Variants in SLC22A24 observed in about 807,000 individuals in gnomAD.
SLC22A24 encodes solute carrier family 22 member 24, also known as steroid transmembrane transporter SLC22A24.
In SLC22A24, 53 loss-of-function variants were observed where a neutral mutation model predicts 49.8. The observed-to-expected ratio is 1.06, with a 90% CI of 0.85 to 1.34. SLC22A24 has a LOEUF of 1.34. SLC22A24 is among the 40% of genes most tolerant of loss of function. SLC22A24 has a pLI of 0.00. For missense variants in SLC22A24, 786 were observed against 675.9 expected (o/e 1.16, Z -1.81); for synonymous variants, 302 against 256.4 (o/e 1.18, Z -1.70).
chr11:63,130,410 T>TAACCAA (rs2087325373), intron 2 of SLC22A24, among the ~76,000 whole-genome samples: 2 of 152,230 alleles, frequency 1.3e-5, no homozygotes, highest in Admixed American at 1.3e-4. Flanking sequence ...ACATCAATGT[T>TAACCAA]CATCAGGGAT....
chr11:63,105,664 T>C (rs7105893), intron 4 of SLC22A24, among the ~76,000 whole-genome samples: 150,410 of 152,192 alleles, frequency 0.99, 74,348 homozygotes, highest in East Asian at 1. Flanking sequence ...GGTCCCTTGG[T>C]TTAGCCCAGT....
At chr11:63,082,117 C>A (rs926125523) in intron 7 of SLC22A24, among the ~76,000 whole-genome samples, 2 of 152,010 alleles carry the variant, frequency 1.3e-5, no homozygotes, top group African/African-American at 4.8e-5. Context: ...AGTTTGTGAG[C>A]CATGTCTTGA....
chr11:63,112,904 A>T (rs1181340735), intron 4 of SLC22A24, among the ~76,000 whole-genome samples: 1 of 148,658 alleles, frequency 6.7e-6, no homozygotes, highest in South Asian at 2.1e-4. Context: ...AGTCCCAGCT[A>T]CTCAGGAGGC....
At chr11:63,135,252 A>G (rs1305327399) in intron 1 of SLC22A24, among the ~76,000 whole-genome samples, 5 of 152,196 alleles carry the variant, frequency 3.3e-5, no homozygotes, top group African/African-American at 7.2e-5. Context: ...TAATTCAACT[A>G]CTACAGTAAG....
chr11:63,142,863 C>T (rs985718060), intron 1 of SLC22A24, among the ~76,000 whole-genome samples: 3 of 152,080 alleles, frequency 2.0e-5, no homozygotes, highest in Admixed American at 6.6e-5. Flanking sequence ...CTCTGCTCCC[C>T]GAATGCTCAG....
At chr11:63,113,055 C>T (rs1384984027) in intron 4 of SLC22A24, among the ~76,000 whole-genome samples, 34 of 2,998 alleles carry the variant, frequency 0.011, 15 homozygotes, top group African/African-American at 0.014. Context: ...TATATATATA[C>T]ATATATATAT....
chr11:63,105,263 G>C (rs764245905), intron 4 of SLC22A24, among the ~76,000 whole-genome samples: 3 of 152,074 alleles, frequency 2.0e-5, no homozygotes, highest in African/African-American at 4.8e-5. Context: ...GCAAGCTGTT[G>C]GTGGATCTAC....
In SLC22A24 at chr11:63,081,549, C is replaced by G. The variant is rs911386386; in HGVS notation, c.1394+9G>C. 1 of 1,540,422 alleles carries G rather than the reference C, an allele frequency of 6.5e-7. No homozygotes were observed. Among genetic ancestry groups the G allele is most frequent in the Non-Finnish European group, 8.8e-7 (1 of 1,136,772 alleles). Reference sequence around the variant, plus strand: ...TGTTTTGAAACCAGATGGTCTTTAGCTCTTGTACCTCAATATGGTGGGGAC... The same window carrying G: ...TGTTTTGAAACCAGATGGTCTTTAGGTCTTGTACCTCAATATGGTGGGGAC... On this transcript the variant is annotated intron_variant, in intron 8 of 9. Coordinates refer to ENST00000612278, the MANE Select transcript of SLC22A24 (RefSeq NM_001136506.2).
intron 2 of SLC22A24, 107 bp from the exon 3 acceptor site, chr11:63,119,442 G>T: frequency 1.8e-6 from 2 of 1,099,664 alleles, no homozygotes; most frequent in Non-Finnish European, 2.6e-6. Flanking sequence ...TTAACAAGTG[G>T]AACATGGTGC....
chr11:63,091,693 GA>G (rs754636124), intron 6 of SLC22A24, among the ~76,000 whole-genome samples: 1 of 152,116 alleles, frequency 6.6e-6, no homozygotes, highest in Non-Finnish European at 1.5e-5. Flanking sequence ...AAAGGCCTTT[GA>G]TAAAATTCAA....
intron 2 of SLC22A24, among the ~76,000 whole-genome samples, chr11:63,123,925 AG>A (rs2087270103): frequency 1.3e-5 from 2 of 152,170 alleles, no homozygotes; most frequent in African/African-American, 2.4e-5. Flanking sequence ...GTCTTTAAAA[AG>A]GTTTTATTGT....
At chr11:63,105,078 G>C (rs2087112152) in intron 4 of SLC22A24, among the ~76,000 whole-genome samples, 1 of 152,236 alleles carries the variant, frequency 6.6e-6, no homozygotes, top group Non-Finnish European at 1.5e-5. Context: ...AAATATTAAA[G>C]CTCCAAATGA....
In SLC22A24 at chr11:63,143,758, C is replaced by G; in HGVS notation, c.22G>C (p.Asp8His). The change falls in exon 1 of 10, where the codon GAT becomes CAT. Residue 8 changes from aspartate (D) to histidine (H), a missense_variant. Physicochemically the swap from Asp to His is moderately conservative, Grantham distance 81. Transcript: ENST00000612278. ...AATCTCCCCATGCCACCCACTTGAT[C>G]CAGGAGCACATCAAAGCCCATTGAG... is the stretch of plus-strand genomic sequence containing the variant. MGFDVLLDQVGGMGRFQI... is the reference protein window; with the variant it reads MGFDVLLHQVGGMGRFQI... The G allele has an allele frequency of 6.9e-7, 1 of 1,451,622 alleles. No individual in the cohort carries two copies. The allele number at this position is 1,451,622 out of a possible 1,614,324, so 89.9% of individuals were successfully genotyped here.
intron 4 of SLC22A24, among the ~76,000 whole-genome samples, chr11:63,114,028 A>T (rs1207683988): frequency 6.6e-6 from 1 of 151,946 alleles, no homozygotes; most frequent in East Asian, 1.9e-4. Context: ...GGTGAATCTG[A>T]CAATTGTGTG....
intron 2 of SLC22A24, among the ~76,000 whole-genome samples, chr11:63,123,812 C>T (rs530566807): frequency 1.3e-5 from 2 of 152,290 alleles, no homozygotes; most frequent in South Asian, 4.1e-4. Context: ...TCTATCTTAC[C>T]ATCTCCCTTG....
In SLC22A24 at chr11:63,128,714, G is replaced by A. The variant is rs369006465; in HGVS notation, c.506+5951C>T. ...AGCTGCCAAATTGGGAAGGGCCCCC[G>A]TCCAGTGGACACATGACCCATGTGA... On this transcript the variant is annotated intron_variant, in intron 2 of 9. Coordinates refer to ENST00000612278, the MANE Select transcript of SLC22A24 (RefSeq NM_001136506.2). Among the ~76,000 whole-genome samples the A allele has an allele frequency of 4.6e-5, 7 of 151,012 alleles. No individual in the cohort carries two copies. The South Asian group carries it at 8.3e-4, about 18-fold the overall frequency.
intron 4 of SLC22A24, among the ~76,000 whole-genome samples, chr11:63,108,022 G>A (rs188237416): frequency 0.028 from 4,322 of 152,180 alleles, 197 homozygotes; most frequent in African/African-American, 0.099. Context: ...AGTTTTCAAA[G>A]GGAATGCTTC....
rs1233332901 is a variant in SLC22A24 at position 63,143,847 on chromosome 11, A to T, written c.-68T>A. ...TATGAAGAGAAGTTCAGAGGGAGAAAATGTCCCCTTTCACAAAGTTACCAT... is the reference window on the plus strand; with the variant it reads ...TATGAAGAGAAGTTCAGAGGGAGAATATGTCCCCTTTCACAAAGTTACCAT... On this transcript the variant is annotated 5_prime_UTR_variant, in exon 1 of 10. Coordinates refer to ENST00000612278, the MANE Select transcript of SLC22A24 (RefSeq NM_001136506.2). The T allele has an allele frequency of 1.6e-6, 2 of 1,248,366 alleles. No homozygotes were observed. Among genetic ancestry groups the T allele is most frequent in the East Asian group, 6.2e-5 (2 of 32,244 alleles). 77.3% of individuals were successfully genotyped at this position (1,248,366 alleles called of 1,614,324 possible). A position where few individuals can be genotyped will look rare whatever the true frequency, so the allele number is the denominator to read the frequency against.
rs2086992157 is a variant in SLC22A24, at chr11:63,087,083, GAA to G, written c.1071-3628_1071-3627del. ...AGAGGGAGAGAGAGAGAGAGAGAGA[GAA>G]ACCCAAGTAAGTAGAAGCAAAGAAA... On this transcript the variant is annotated intron_variant, in intron 6 of 9. Coordinates refer to ENST00000612278, the MANE Select transcript of SLC22A24 (RefSeq NM_001136506.2). Among the ~76,000 whole-genome samples, 5 of 149,658 alleles carry G rather than the reference GAA, an allele frequency of 3.3e-5. No individual in the cohort carries two copies. The South Asian group carries it at 1.1e-3, about 32-fold the overall frequency.
Sources: allele counts gnomAD v4.1 joint callset (sites outside exome capture counted in the v4.1 genomes callset), GRCh38; gene constraint gnomAD v4.1.1; transcripts MANE v1.5; gene names NCBI Gene and HGNC (gene_info 2026-07-23, HGNC 2026-07-21).